The following TK1 variants were observed in gnomAD, a reference collection of about 807,000 sequenced individuals.
TK1 encodes thymidine kinase 1, also known as thymidine kinase, cytosolic.
TK1 carries 13 observed loss-of-function variants against 22.4 expected under a neutral mutation model. That is an observed-to-expected ratio of 0.58 (90% CI 0.38 to 0.92). The LOEUF is 0.92. TK1 is among the 40% of genes least tolerant of loss of function. The probability of loss-of-function intolerance (pLI) is 0.00; values close to 1 mark genes in which losing one functional copy is unlikely to be tolerated. For missense variants in TK1, 251 were observed against 315.7 expected (o/e 0.80, Z 1.55); for synonymous variants, 134 against 125.4 (o/e 1.07, Z -0.46).
intron 2 of TK1, among the ~76,000 whole-genome samples, chr17:78,185,473 C>T (rs374474898): frequency 1.1e-4 from 17 of 152,210 alleles, no homozygotes; most frequent in East Asian, 9.6e-4. Flanking sequence ...AGGGAACCTG[C>T]GACTGCATTC....
In TK1 at chr17:78,184,796, C is replaced by A. The variant is rs180863054; in HGVS notation, c.209+259G>T. 6.6e-5 allele frequency among the ~76,000 whole-genome samples: 10 copies of A among 152,186 alleles called. 1 individual carries two copies. Among genetic ancestry groups the A allele is most frequent in the East Asian group, 1.9e-4 (1 of 5,176 alleles). ...AAAGCCCAAAAGCATCCCCTCCCCC[C>A]TCCAGTTGCAACAACTAGAAATGTC... On this transcript the variant is annotated intron_variant, in intron 3 of 6. Transcript: ENST00000301634.
intron 3 of TK1, among the ~76,000 whole-genome samples, chr17:78,183,953 T>G (rs897999808): frequency 3.3e-5 from 5 of 152,196 alleles, no homozygotes; most frequent in Non-Finnish European, 7.3e-5. Context: ...GTGTTAGAGA[T>G]GACTTGTGAC....
intron 4 of TK1, chr17:78,179,351 A>G: frequency 1.0e-6 from 1 of 985,422 alleles, no homozygotes; most frequent in Non-Finnish European, 1.2e-6. Context: ...GAGTCCCTCA[A>G]GCACGGGGCA....
intron 4 of TK1, 27 bp from the exon 5 acceptor site, chr17:78,175,645 G>A: frequency 6.2e-7 from 1 of 1,602,754 alleles, no homozygotes; most frequent in Non-Finnish European, 8.5e-7. Flanking sequence ...GAGAAAGAGT[G>A]TGAGAGCTTC....
intron 4 of TK1, 45 bp from the exon 5 acceptor site, chr17:78,175,663 G>T: frequency 6.4e-7 from 1 of 1,557,788 alleles, no homozygotes; most frequent in Non-Finnish European, 8.8e-7. Context: ...TTCCACCCCA[G>T]CAGCAGCTCC....
At chr17:78,181,024 G>A (rs561416207) in intron 4 of TK1, among the ~76,000 whole-genome samples, 11 of 152,154 alleles carry the variant, frequency 7.2e-5, no homozygotes, top group Non-Finnish European at 1.0e-4. Context: ...TGAGGCATGC[G>A]GATCACCTGA....
At chr17:78,182,480 A>C in intron 4 of TK1, 109 bp downstream of exon 4, 1 of 826,264 alleles carries the variant, frequency 1.2e-6, no homozygotes, top group Non-Finnish European at 1.8e-6. Flanking sequence ...GTAGCTATTT[A>C]ACCTTGTTAT....
upstream of TK1, chr17:78,187,065 G>A (rs1157761940): frequency 1.3e-6 from 2 of 1,511,260 alleles, no homozygotes; most frequent in East Asian, 4.8e-5. Context: ...TGGTTCCCGC[G>A]CCGACCGCTT....
At chr17:78,177,640 C>T (rs2075710252) in intron 4 of TK1, among the ~76,000 whole-genome samples, 1 of 150,092 alleles carries the variant, frequency 6.7e-6, no homozygotes, top group South Asian at 2.1e-4. Context: ...GTGGCGTGAT[C>T]TCAGCTCACT....
intron 2 of TK1, 69 bp from the exon 3 acceptor site, chr17:78,185,234 C>G (rs1310477982): frequency 8.2e-7 from 1 of 1,223,780 alleles, no homozygotes; most frequent in Non-Finnish European, 1.2e-6. Context: ...CCCTCCCCAA[C>G]AAGCCTGGCT....
chr17:78,181,270 G>A (rs1234913147), intron 4 of TK1, among the ~76,000 whole-genome samples: 2 of 151,630 alleles, frequency 1.3e-5, no homozygotes, highest in African/African-American at 2.4e-5. Flanking sequence ...TAAAAAGGCC[G>A]GGCACGGCGG....
Position 78,175,182 on chromosome 17 carries a change from G to GGAAAGACA in TK1, c.394-21_394-14dup. ...TGGCCCCAAATGGCTGCGCTCCCAT[G>GGAAAGACA]GAAAGACAGAGGGCGCTCAGCCACC... On this transcript the variant is annotated splice_polypyrimidine_tract_variant and intron_variant, in intron 5 of 6. Coordinates refer to ENST00000301634, the MANE Select transcript of TK1 (RefSeq NM_003258.5). 1 of 1,611,758 alleles carries GGAAAGACA rather than the reference G, an allele frequency of 6.2e-7. No individual in the cohort carries two copies. The highest frequency in any genetic ancestry group is 8.5e-7 in the Non-Finnish European group (1 of 1,179,578).
rs1277472051 is a variant in TK1 at position 78,174,574 on chromosome 17, A to G, written c.*185T>C. On this transcript the variant is annotated 3_prime_UTR_variant, in exon 7 of 7. Transcript: ENST00000301634. ...CTGAGAGGGAAGCTTTAAGCAGACC[A>G]GTGGGTAGGAGAGGAGGGAGCATGC... is the stretch of plus-strand genomic sequence containing the variant. The G allele has an allele frequency of 4.5e-6, 3 of 667,732 alleles. No individual in the cohort carries two copies. In the African/African-American group the frequency reaches 5.5e-5, roughly 12 times the overall value. 41.4% of individuals were successfully genotyped at this position (667,732 alleles called of 1,614,324 possible). A position where few individuals can be genotyped will look rare whatever the true frequency, so the allele number is the denominator to read the frequency against.
chr17:78,174,716 G>A lies in TK1; in HGVS notation c.*43C>T. Reference sequence around the variant, plus strand: ...GCAGCATGCAGGGCAGCGTCCAGTAGGCGGCAGTGGCAGGAAGGGAGCGGG... The same window carrying A: ...GCAGCATGCAGGGCAGCGTCCAGTAAGCGGCAGTGGCAGGAAGGGAGCGGG... On this transcript the variant is annotated 3_prime_UTR_variant, in exon 7 of 7. Transcript: ENST00000301634. The A allele has an allele frequency of 6.5e-7, 1 of 1,533,578 alleles. No individual in the cohort carries two copies. Among genetic ancestry groups the A allele is most frequent in the South Asian group, 1.3e-5 (1 of 79,450 alleles). 95.0% of individuals were successfully genotyped at this position (1,533,578 alleles called of 1,614,324 possible).
chr17:78,184,181 A>G (rs2075761934), intron 3 of TK1, among the ~76,000 whole-genome samples: 1 of 152,224 alleles, frequency 6.6e-6, no homozygotes, highest in Admixed American at 6.5e-5. Context: ...TTAAATTCCC[A>G]CATGCAACTC....
intron 4 of TK1, 125 bp from the exon 5 acceptor site, chr17:78,175,743 C>G (rs1332388610): frequency 3.8e-6 from 3 of 792,700 alleles, no homozygotes; most frequent in Non-Finnish European, 6.0e-6. Context: ...ACTCTTAATT[C>G]TCCCACGAGG....
chr17:78,175,615 G>A lies in TK1; in HGVS notation c.307C>T (p.Pro103Ser). Residue 103 changes from proline to serine, a missense_variant, in exon 5 of 7, where the codon CCT becomes TCT. By Grantham distance (74) the Pro-to-Ser change is moderately conservative (BLOSUM62 -1). Coordinates refer to ENST00000301634, the MANE Select transcript of TK1 (RefSeq NM_003258.5). ...VIGIDEGQFF[P>S]DIVEFCEAMA... ...GCCTCGCAGAACTCCACGATGTCAG[G>A]GAACTGGAAAGGGCACGTGGAGAAA... 3.7e-6 allele frequency: 6 copies of A among 1,613,364 alleles called. No homozygotes were observed. Among genetic ancestry groups the A allele is most frequent in the Non-Finnish European group, 5.1e-6 (6 of 1,179,808 alleles).
At chr17:78,179,044 C>G in intron 4 of TK1, 3 of 539,862 alleles carry the variant, frequency 5.6e-6, no homozygotes, top group Non-Finnish European at 7.1e-6. Context: ...ACGCTGGCTC[C>G]TGACTCAGGG....
At chr17:78,182,782 A>T in intron 3 of TK1, 100 bp from the exon 4 acceptor site, 1 of 821,092 alleles carries the variant, frequency 1.2e-6, no homozygotes, top group Non-Finnish European at 1.7e-6. Context: ...GCTACCTGCA[A>T]AGCAGGCTCA....
Sources: gnomAD v4.1 joint callset for allele counts (sites outside exome capture counted in the v4.1 genomes callset) on GRCh38, gnomAD v4.1.1 for gene constraint, MANE v1.5 for transcripts, NCBI Gene and HGNC (gene_info 2026-07-23, HGNC 2026-07-21) for gene names.